SEC63: variants seen among roughly 807,000 people sequenced by gnomAD.
SEC63 encodes SEC63 protein translocation regulator.
Under a neutral mutation model 116.2 loss-of-function variants are expected in SEC63, and 56 were observed. The ratio of observed to expected loss-of-function variants is 0.48; its 90% CI spans 0.39 to 0.60. The LOEUF (loss-of-function observed/expected upper bound fraction) is 0.60, where lower values mean the gene tolerates loss of function less well. SEC63 is among the 20% of genes least tolerant of loss of function. The pLI is 0.00. For missense variants in SEC63, 668 were observed against 900.0 expected (o/e 0.74, Z 3.30); for synonymous variants, 273 against 294.6 (o/e 0.93, Z 0.75).
chr6:107,879,935 A>G lies in SEC63; in HGVS notation c.1935+1214T>C, dbSNP rs530137546. On this transcript the variant is annotated intron_variant, in intron 18 of 20. Transcript: ENST00000369002. ...GGAGTGAATGAATGTTTCTCTTATT[A>G]ACTAAGCATGGTCTAAAATGAAACT... Among the ~76,000 whole-genome samples, 14 of 152,268 alleles carry G rather than the reference A, an allele frequency of 9.2e-5. No homozygotes were observed. The Middle Eastern group carries it at 0.02, about 222-fold the overall frequency.
chr6:107,902,933 C>T lies in SEC63; in HGVS notation c.1120G>A (p.Val374Ile), dbSNP rs577544394. ...ENCMKLSQMAVQGLQQFKSPL... is the reference protein window; with the variant it reads ...ENCMKLSQMAIQGLQQFKSPL... The stretch of plus-strand genomic sequence containing the variant: ...GACTTAAATTGCTGAAGTCCCTGAA[C>T]GGCCATCTGAGAAAGCTTCATGCAG... The change falls in exon 12 of 21, where the codon GTT becomes ATT. Residue 374 changes from valine (V) to isoleucine (I), a missense_variant. By Grantham distance (29) the Val-to-Ile change is conservative. Coordinates refer to ENST00000369002, the MANE Select transcript of SEC63 (RefSeq NM_007214.5). The T allele has an allele frequency of 1.9e-5, 30 of 1,613,722 alleles. No individual in the cohort carries two copies. The African/African-American group carries it at 2.1e-4, about 11-fold the overall frequency.
At chr6:107,880,680 GACA>G (rs1214068234) in intron 18 of SEC63, among the ~76,000 whole-genome samples, 1 of 152,170 alleles carries the variant, frequency 6.6e-6, no homozygotes, top group Admixed American at 6.5e-5. Flanking sequence ...CATGGACTGG[GACA>G]ACAATGACCA....
At chr6:107,910,145 G>A (rs938352512) in intron 7 of SEC63, among the ~76,000 whole-genome samples, 32 of 152,156 alleles carry the variant, frequency 2.1e-4, no homozygotes, top group African/African-American at 6.5e-4. Flanking sequence ...GTGGTAGTGC[G>A]GGAAGACTTT....
At position 107,899,744 on chromosome 6, in the gene SEC63, A is replaced by C. The variant is rs1019315335; in HGVS notation, c.1357+1626T>G. Among the ~76,000 whole-genome samples, 8 of 152,298 alleles carry C rather than the reference A, an allele frequency of 5.3e-5. 1 individual carries two copies. Among genetic ancestry groups the C allele is most frequent in the African/African-American group, 1.9e-4 (8 of 41,566 alleles). ...AAAAAAAAAGAAAAGAAAAGAAAAG[A>C]AAAGGGTATACTTTTAACAGTTCTT... On this transcript the variant is annotated intron_variant, in intron 13 of 20. Transcript: ENST00000369002.
At chr6:107,879,379 T>C (rs1786356263) in intron 18 of SEC63, among the ~76,000 whole-genome samples, 1 of 152,164 alleles carries the variant, frequency 6.6e-6, no homozygotes, top group Non-Finnish European at 1.5e-5. Flanking sequence ...CAGGCTGGAG[T>C]GCAATGGCAC....
At chr6:107,906,299 G>T in intron 10 of SEC63, 149 bp downstream of exon 10, 1 of 918,418 alleles carries the variant, frequency 1.1e-6, no homozygotes, top group Non-Finnish European at 1.8e-6. Flanking sequence ...AGAACAATGA[G>T]CCAATTAAAC....
intron 16 of SEC63, among the ~76,000 whole-genome samples, chr6:107,884,079 G>C (rs1227123016): frequency 6.9e-6 from 1 of 144,054 alleles, no homozygotes; most frequent in African/African-American, 2.5e-5. Context: ...GTGAAACCCC[G>C]TCCCTACTAA....
At chr6:107,886,704 GTTTGTTT>G (rs1410486861) in intron 16 of SEC63, among the ~76,000 whole-genome samples, 3 of 3,198 alleles carry the variant, frequency 9.4e-4, no homozygotes, top group African/African-American at 2.3e-3. Flanking sequence ...TGATGGAATT[GTTTGTTT>G]TTTTCCTGTA....
At chr6:107,887,108 G>C (rs977582418) in intron 16 of SEC63, among the ~76,000 whole-genome samples, 1 of 152,104 alleles carries the variant, frequency 6.6e-6, no homozygotes, top group Non-Finnish European at 1.5e-5. Flanking sequence ...ACAGCTGCTG[G>C]AGAGGATGTG....
intron 4 of SEC63, among the ~76,000 whole-genome samples, chr6:107,913,736 T>C (rs1300574857): frequency 1.3e-5 from 2 of 152,216 alleles, no homozygotes; most frequent in African/African-American, 2.4e-5. Flanking sequence ...GGCAACTACA[T>C]TTTCTAAGAA....
chr6:107,901,334 G>A (rs1228224581), intron 13 of SEC63, 36 bp downstream of exon 13: 6 of 1,598,880 alleles, frequency 3.8e-6, no homozygotes, highest in East Asian at 2.2e-5. Context: ...TCTATCAAAA[G>A]GGAAGCAATG....
intron 19 of SEC63, among the ~76,000 whole-genome samples, chr6:107,873,296 C>A (rs189377413): frequency 3.3e-5 from 5 of 152,028 alleles, no homozygotes; most frequent in African/African-American, 9.7e-5. Context: ...ATACTTCCTG[C>A]CAAATTTTCT....
chr6:107,920,558 T>C (rs1787532940), intron 4 of SEC63, among the ~76,000 whole-genome samples: 1 of 152,184 alleles, frequency 6.6e-6, no homozygotes, highest in Non-Finnish European at 1.5e-5. Flanking sequence ...ATATTTGCTT[T>C]ATTGCAGGAG....
chr6:107,918,015 T>C (rs1360583296), intron 4 of SEC63, among the ~76,000 whole-genome samples: 2 of 152,224 alleles, frequency 1.3e-5, no homozygotes, highest in African/African-American at 4.8e-5. Context: ...AATAAATGCC[T>C]GACTTCAAAG....
intron 1 of SEC63, chr6:107,957,680 G>A (rs1047855662): frequency 1.8e-5 from 7 of 391,506 alleles, no homozygotes; most frequent in African/African-American, 1.5e-4. Context: ...CGAAACTCCT[G>A]AGGACAATGA....
Position 107,881,082 on chromosome 6 carries a change from T to C in SEC63, c.1935+67A>G, listed in dbSNP as rs1786403964. 3 of 1,157,658 alleles carry C rather than the reference T, an allele frequency of 2.6e-6. No individual in the cohort carries two copies. The East Asian group carries it at 7.0e-5, about 27-fold the overall frequency. 71.7% of individuals were successfully genotyped at this position (1,157,658 alleles called of 1,614,324 possible). ...AATACACACGACAGAGGGCTAAAAGTCAACTGACAAATCCCTGAGGAGAAA... is the reference window on the plus strand; with the variant it reads ...AATACACACGACAGAGGGCTAAAAGCCAACTGACAAATCCCTGAGGAGAAA... On this transcript the variant is annotated intron_variant, in intron 18 of 20. Transcript: ENST00000369002.
intron 16 of SEC63, among the ~76,000 whole-genome samples, chr6:107,886,159 G>A (rs1218263671): frequency 6.6e-6 from 1 of 152,148 alleles, no homozygotes; most frequent in Admixed American, 6.5e-5. Flanking sequence ...GGTTTCCAAC[G>A]TCATCCATGT....
intron 1 of SEC63, among the ~76,000 whole-genome samples, chr6:107,947,173 C>T (rs1029715737): frequency 1.3e-5 from 2 of 151,896 alleles, no homozygotes; most frequent in African/African-American, 4.8e-5. Context: ...GATGGCGCAC[C>T]TGTAGTCCCA....
At chr6:107,886,770 T>C (rs992078739) in intron 16 of SEC63, among the ~76,000 whole-genome samples, 9 of 152,250 alleles carry the variant, frequency 5.9e-5, no homozygotes, top group African/African-American at 2.2e-4. Flanking sequence ...CTGTGTCAGA[T>C]GGATAGATTA....
Sources: allele counts gnomAD v4.1 joint callset (sites outside exome capture counted in the v4.1 genomes callset), GRCh38; gene constraint gnomAD v4.1.1; transcripts MANE v1.5; gene names NCBI Gene and HGNC (gene_info 2026-07-23, HGNC 2026-07-21).